DHX34: variants seen among roughly 807,000 people sequenced by gnomAD.
The protein encoded by DHX34 is DExH-box helicase 34, also known as probable ATP-dependent RNA helicase DHX34.
A neutral mutation model predicts 111.1 loss-of-function variants in DHX34; 96 were observed. The observed-to-expected ratio is 0.86, with a 90% confidence interval of 0.73 to 1.02. DHX34 has a LOEUF of 1.02. Among genes scored for constraint, DHX34 ranks in the 50% least tolerant of loss-of-function variants. The pLI is 0.00. For missense variants in DHX34, 1,560 were observed against 1,579.9 expected, an observed-to-expected ratio of 0.99 and a Z score of 0.21; for synonymous variants, 688 against 670.4, an observed-to-expected ratio of 1.03 and a Z score of -0.41.
chr19:47,365,527 C>T (rs1034460770), intron 6 of DHX34, among the ~76,000 whole-genome samples: 3 of 152,190 alleles, frequency 2.0e-5, no homozygotes, highest in Non-Finnish European at 2.9e-5. Context: ...GTTGGGATTA[C>T]AGGCATGAGC....
rs370190392 is a variant in DHX34 at position 47,355,212 on chromosome 19, C to T, written c.879C>T (p.Gly293=). Reference sequence around the variant, plus strand: ...ATCTCCACAACGATTTCCTCCTGGGCGTCCTCCAGCGCCTGTTGCCCACGC... The same window carrying T: ...ATCTCCACAACGATTTCCTCCTGGGTGTCCTCCAGCGCCTGTTGCCCACGC... The part of the protein sequence containing the change: ...ERHLHNDFLL[G]VLQRLLPTRP... Residue 293 remains glycine, a synonymous_variant, in exon 3 of 17, where the codon GGC becomes GGT. Transcript: ENST00000328771. 16 of 1,614,104 alleles carry T rather than the reference C, an allele frequency of 9.9e-6. No individual in the cohort carries two copies. The Admixed American group carries it at 1.0e-4, about 10-fold the overall frequency.
chr19:47,376,521 G>T lies in DHX34; in HGVS notation c.2560G>T (p.Ala854Ser), dbSNP rs200310017. The T allele has an allele frequency of 6.3e-7, 1 of 1,587,470 alleles. No homozygotes were observed. ...VFAGSPEVLH[A>S]QELEASNCDG... ...CGCTGGCAGCCCCGAGGTGCTGCAC[G>T]CACAGGAGCTGGAGGCCAGCAACTG... The change falls in exon 12 of 17, where the codon GCA becomes TCA. Residue 854 changes from alanine (A) to serine (S), a missense_variant. Transcript: ENST00000328771.
At chr19:47,370,985 T>C (rs1178216179) in intron 7 of DHX34, among the ~76,000 whole-genome samples, 1 of 152,190 alleles carries the variant, frequency 6.6e-6, no homozygotes, top group African/African-American at 2.4e-5. Context: ...CATTTTTGTT[T>C]TGGAAGGAAA....
In DHX34 at chr19:47,360,048, G is replaced by A. The variant is rs992948429; in HGVS notation, c.1353G>A (p.Gly451=). The A allele has an allele frequency of 8.1e-6, 13 of 1,613,904 alleles. No homozygotes were observed. Among genetic ancestry groups the A allele is most frequent in the African/African-American group, 1.3e-5 (1 of 74,896 alleles). Residue 451 remains glycine (G), a synonymous_variant, in exon 5 of 17, where the codon GGG becomes GGA. Coordinates refer to ENST00000328771, the MANE Select transcript of DHX34 (RefSeq NM_014681.6). The stretch of plus-strand genomic sequence containing the variant: ...CTGAGACCTCAGTCACCATTGACGG[G>A]ATCCGCTTCGTAGTAGATTCCGGTA... ...NIAETSVTID[G]IRFVVDSGKV...
Position 47,362,641 on chromosome 19 carries a change from C to T in DHX34, c.1541C>T (p.Pro514Leu). 1 of 1,613,568 alleles carries T rather than the reference C, an allele frequency of 6.2e-7. No homozygotes were observed. The highest frequency in any genetic ancestry group is 1.1e-5 in the South Asian group (1 of 91,058). The change falls in exon 6 of 17, where the codon CCC (proline) becomes CTC (leucine). Residue 514 changes from proline (P) to leucine (L), a missense_variant. Transcript: ENST00000328771. ...GAATCGGACTATGATGCCTTCGCCC[C>T]CTACCCCGTCCCAGAAATTCGGAGG... Reference protein sequence around the residue: ...YAESDYDAFAPYPVPEIRRVA... With the variant: ...YAESDYDAFALYPVPEIRRVA...
rs891002356 is a variant in DHX34 at position 47,382,054 on chromosome 19, G to A, written c.3373G>A (p.Gly1125Arg). 146 of 1,614,018 alleles carry A rather than the reference G, an allele frequency of 9.0e-5. No homozygotes were observed. The highest frequency in any genetic ancestry group is 1.2e-4 in the Non-Finnish European group (141 of 1,180,020). The stretch of plus-strand genomic sequence containing the variant: ...GAGGCCCTACCACTGCGAGGCCTGC[G>A]GGAAGGACTTCCTCTTTACACCCAC... ...LQRPYHCEAC[G>R]KDFLFTPTEV... is the part of the protein sequence containing the mutation. The change falls in exon 17 of 17, where the codon GGG (glycine) becomes AGG (arginine). Residue 1125 changes from glycine to arginine, a missense_variant. By Grantham distance (125) the Gly-to-Arg change is moderately radical. Transcript: ENST00000328771.
intron 1 of DHX34, among the ~76,000 whole-genome samples, chr19:47,351,309 G>A (rs922120663): frequency 2.0e-5 from 3 of 150,650 alleles, no homozygotes; most frequent in Non-Finnish European, 4.4e-5. Flanking sequence ...CTCCCGAGTC[G>A]CTGGGACTAC....
chr19:47,381,247 T>TGCATGCGCCCCTCACGCCCCTG lies in DHX34; in HGVS notation c.3223_3244dup (p.Glu1082AlafsTer13). Reference sequence around the variant, plus strand: ...TTCTGGACCTGCCCCCACTGTGGCCTGCATGCGCCCCTCACGCCCCTGGAG... The same window carrying TGCATGCGCCCCTCACGCCCCTG: ...TTCTGGACCTGCCCCCACTGTGGCCTGCATGCGCCCCTCACGCCCCTGGCATGCGCCCCTCACGCCCCTGGAG... On this transcript the variant is annotated frameshift_variant, in exon 16 of 17. Transcript: ENST00000328771. LOFTEE classifies it high-confidence loss of function. 2 of 1,614,102 alleles carry TGCATGCGCCCCTCACGCCCCTG rather than the reference T, an allele frequency of 1.2e-6. No homozygotes were observed. Among genetic ancestry groups the TGCATGCGCCCCTCACGCCCCTG allele is most frequent in the Non-Finnish European group, 1.7e-6 (2 of 1,179,960 alleles).
intron 8 of DHX34, among the ~76,000 whole-genome samples, chr19:47,373,189 G>C (rs1176707551): frequency 6.6e-6 from 1 of 152,246 alleles, no homozygotes; most frequent in Non-Finnish European, 1.5e-5. Flanking sequence ...GAAAGTCCAG[G>C]CTCCTTGGGA....
At chr19:47,362,367 CAG>C in intron 5 of DHX34, 107 bp from the exon 6 acceptor site, 1 of 1,283,682 alleles carries the variant, frequency 7.8e-7, no homozygotes, top group South Asian at 2.2e-5. Flanking sequence ...TTAGCATTAA[CAG>C]AATAAAGGAG....
At chr19:47,354,465 A>T (rs545103005) in intron 2 of DHX34, among the ~76,000 whole-genome samples, 15 of 152,328 alleles carry the variant, frequency 9.8e-5, no homozygotes, top group Non-Finnish European at 1.6e-4. Flanking sequence ...TACATGAGGC[A>T]CAGTGCTAGA....
chr19:47,374,736 C>T (rs758524244), intron 9 of DHX34, among the ~76,000 whole-genome samples: 3 of 152,136 alleles, frequency 2.0e-5, no homozygotes, highest in African/African-American at 4.8e-5. Flanking sequence ...GCATGGGTCC[C>T]GAGTTCTCTC....
Position 47,353,217 on chromosome 19 carries a change from T to C in DHX34, c.187T>C (p.Phe63Leu). 6.2e-7 allele frequency: 1 copy of C among 1,614,176 alleles called. No individual in the cohort carries two copies. Among genetic ancestry groups the C allele is most frequent in the Non-Finnish European group, 8.5e-7 (1 of 1,180,026 alleles). Residue 63 changes from phenylalanine to leucine, a missense_variant, in exon 2 of 17, where the codon TTC becomes CTC. Physicochemically the swap from Phe to Leu is conservative, Grantham distance 22. Transcript: ENST00000328771. The surrounding 1 kb of genome is among the most constrained non-coding windows in gnomAD (Gnocchi z 4.6). ...GSEECQKFWTFFERLQRFQNL... is the reference protein window; with the variant it reads ...GSEECQKFWTLFERLQRFQNL... ...TGAGGAATGTCAGAAGTTTTGGACC[T>C]TCTTTGAACGCCTGCAGAGATTCCA...
At chr19:47,361,487 AAAT>A (rs1227091974) in intron 5 of DHX34, among the ~76,000 whole-genome samples, 1 of 151,716 alleles carries the variant, frequency 6.6e-6, no homozygotes, top group Non-Finnish European at 1.5e-5. Context: ...GAAATTAAAA[AAAT>A]AATGTCTGCC....
rs1969329621 is a variant in DHX34 at position 47,352,941 on chromosome 19, A to C, written c.-90A>C. 13 of 1,488,300 alleles carry C rather than the reference A, an allele frequency of 8.7e-6. No individual in the cohort carries two copies. Among genetic ancestry groups the C allele is most frequent in the Non-Finnish European group, 9.8e-6 (11 of 1,118,540 alleles). 92.2% of individuals were successfully genotyped at this position (1,488,300 alleles called of 1,614,324 possible). On this transcript the variant is annotated 5_prime_UTR_variant, in exon 2 of 17. Transcript: ENST00000328771. ...GAGAAAGTAGTTCTCTATTGCAGGC[A>C]CTGGCCTCTTAAATTGTTGCAGGTG... is the stretch of plus-strand genomic sequence containing the variant.
At position 47,380,043 on chromosome 19, in the gene DHX34, G is replaced by A. The variant is rs1970305889; in HGVS notation, c.2982+58G>A. 4 of 1,513,444 alleles carry A rather than the reference G, an allele frequency of 2.6e-6. No homozygotes were observed. The South Asian group carries it at 5.2e-5, about 20-fold the overall frequency. 93.8% of individuals were successfully genotyped at this position (1,513,444 alleles called of 1,614,324 possible). A position where few individuals can be genotyped will look rare whatever the true frequency, so the allele number is the denominator to read the frequency against. On this transcript the variant is annotated intron_variant, in intron 14 of 16. Coordinates refer to ENST00000328771, the MANE Select transcript of DHX34 (RefSeq NM_014681.6). ...TGGCCAGAAGGGGCATCCGTCACTG[G>A]GCTTGAGCCTCGGGAAGGCCTGGCT...
At chr19:47,374,335 G>A (rs1970066021) in intron 9 of DHX34, among the ~76,000 whole-genome samples, 1 of 151,536 alleles carries the variant, frequency 6.6e-6, no homozygotes, top group South Asian at 2.1e-4. Flanking sequence ...TACTTGGGAG[G>A]CTGAAGCAGG....
At position 47,367,113 on chromosome 19, in the gene DHX34, A is replaced by G. The variant is rs140208402; in HGVS notation, c.1726A>G (p.Ile576Val). 6.9e-6 allele frequency: 11 copies of G among 1,588,068 alleles called. No individual in the cohort carries two copies. The highest frequency in any genetic ancestry group is 9.4e-6 in the Non-Finnish European group (11 of 1,167,364). Residue 576 changes from isoleucine to valine, a missense_variant, in exon 7 of 17, where the codon ATT (isoleucine) becomes GTT (valine). By Grantham distance (29) the Ile-to-Val change is conservative (BLOSUM62 3). Transcript: ENST00000328771. ...GGACAGCTCAGAGGCCCTCACACCC[A>G]TTGGGTCCCTGCTAGCCCAGCTGCC... ...ALDSSEALTP[I>V]GSLLAQLPVD...
At chr19:47,366,683 C>T (rs1252798359) in intron 6 of DHX34, among the ~76,000 whole-genome samples, 2 of 152,114 alleles carry the variant, frequency 1.3e-5, no homozygotes, top group African/African-American at 2.4e-5. Flanking sequence ...TGGGTTCAAG[C>T]GATTCTCCTG....
Sources: allele counts gnomAD v4.1 joint callset (sites outside exome capture counted in the v4.1 genomes callset), GRCh38; gene constraint gnomAD v4.1.1; non-coding constraint Gnocchi (gnomAD v3.1); transcripts MANE v1.5; gene names NCBI Gene and HGNC (gene_info 2026-07-23, HGNC 2026-07-21).